PDE1C: variants seen among roughly 807,000 people sequenced by gnomAD.
PDE1C encodes phosphodiesterase 1C, also known as dual specificity calcium/calmodulin-dependent 3',5'-cyclic nucleotide phosphodiesterase 1C.
A neutral mutation model predicts 93.1 loss-of-function variants in PDE1C; 62 were observed. That is an observed-to-expected ratio of 0.67 (90% CI 0.54 to 0.82). The LOEUF (loss-of-function observed/expected upper bound fraction) is 0.82. Among genes scored for constraint, PDE1C ranks in the 40% least tolerant of loss-of-function variants. The pLI, the probability that PDE1C is intolerant of heterozygous loss-of-function variation, is 0.00. For synonymous variants in PDE1C, 325 were observed against 310.1 expected (o/e 1.05, Z -0.50); for missense variants, 742 against 884.6 (o/e 0.84, Z 2.04).
At chr7:31,694,261 C>T in the PDE1C span, among the ~76,000 whole-genome samples, 1 of 152,044 alleles carries the variant, frequency 6.6e-6, no homozygotes, top group African/African-American at 2.4e-5. Context: ...AAGCTTTCCC[C>T]TAAGTTTAGT....
rs117489929 is a variant in PDE1C at position 32,021,421 on chromosome 7, T to C, written c.128+30133A>G. Among the ~76,000 whole-genome samples, 862 of 152,244 alleles carry C rather than the reference T, an allele frequency of 5.7e-3. 2 individuals carry two copies. Among genetic ancestry groups the C allele is most frequent in the Middle Eastern group, 0.034 (10 of 294 alleles). ...GATGTTCCTAGCTTTGAGTATGTTC[T>C]TTCCACAATAACTTTCTGAGAAGAG... On this transcript the variant is annotated intron_variant, in intron 2 of 17. Transcript: ENST00000396191.
intron 3 of PDE1C, among the ~76,000 whole-genome samples, chr7:32,137,054 A>T (rs1800250434): frequency 6.6e-6 from 1 of 152,178 alleles, no homozygotes; most frequent in Non-Finnish European, 1.5e-5. Flanking sequence ...TCCATCATTC[A>T]TTCATCATTT....
chr7:32,251,037 G>T (rs1379286253), intron 1 of PDE1C, among the ~76,000 whole-genome samples: 1 of 152,234 alleles, frequency 6.6e-6, no homozygotes, highest in Non-Finnish European at 1.5e-5. Flanking sequence ...GAAAATGACG[G>T]ATTATCAACA....
Position 31,865,001 on chromosome 7 carries a change from T to C in PDE1C, c.691A>G (p.Met231Val), listed in dbSNP as rs1201761925. The change falls in exon 7 of 18, where the codon ATG becomes GTG. Residue 231 changes from methionine (M) to valine (V), a missense_variant. Met to Val is a conservative substitution (Grantham distance 21). Coordinates refer to ENST00000396191, the MANE Select transcript of PDE1C (RefSeq NM_001191057.4). ...SKHKNPYHNL[M>V]HAADVTQTVH... ...GTCTGTGTAACATCGGCAGCGTGCA[T>C]TAAGTTATGGTAAGGATTTTTGTGC... The C allele has an allele frequency of 6.2e-7, 1 of 1,614,008 alleles. No homozygotes were observed. The highest frequency in any genetic ancestry group is 8.5e-7 in the Non-Finnish European group (1 of 1,179,934).
the PDE1C span, among the ~76,000 whole-genome samples, chr7:31,671,845 A>T: frequency 6.6e-6 from 1 of 152,164 alleles, no homozygotes; most frequent in African/African-American, 2.4e-5. Context: ...GAACACCGGA[A>T]CCAGGGCACA....
intron 1 of PDE1C, among the ~76,000 whole-genome samples, chr7:32,310,467 C>A (rs946843008): frequency 6.6e-6 from 1 of 152,138 alleles, no homozygotes; most frequent in Non-Finnish European, 1.5e-5. Context: ...CAGCACTACA[C>A]CACATCTATT....
At chr7:31,928,478 C>T (rs781588475) in intron 2 of PDE1C, among the ~76,000 whole-genome samples, 8 of 142,952 alleles carry the variant, frequency 5.6e-5, no homozygotes, top group Non-Finnish European at 1.0e-4. Context: ...AGAAACATAA[C>T]CATCAGATTC....
the PDE1C span, among the ~76,000 whole-genome samples, chr7:31,641,285 T>C: frequency 6.6e-4 from 100 of 152,290 alleles, no homozygotes; most frequent in Middle Eastern, 3.4e-3. Context: ...TCAAGCATTG[T>C]ATCTATGGAC....
chr7:31,871,664 T>C (rs545540151), intron 6 of PDE1C, among the ~76,000 whole-genome samples: 1 of 151,274 alleles, frequency 6.6e-6, no homozygotes, highest in East Asian at 2.0e-4. Context: ...AGATATCATC[T>C]TACCCCAGTA....
At chr7:31,928,268 C>T (rs1279482248) in intron 2 of PDE1C, among the ~76,000 whole-genome samples, 1 of 151,948 alleles carries the variant, frequency 6.6e-6, no homozygotes, top group Non-Finnish European at 1.5e-5. Flanking sequence ...CAAATAAAGC[C>T]TCCAAGAAAT....
intron 1 of PDE1C, among the ~76,000 whole-genome samples, chr7:32,236,601 G>A (rs539160158): frequency 3.9e-5 from 6 of 152,220 alleles, no homozygotes; most frequent in Non-Finnish European, 5.9e-5. Context: ...ACCACCGTGC[G>A]ATACTACTCT....
chr7:31,975,061 C>T (rs1811475485), intron 2 of PDE1C, among the ~76,000 whole-genome samples: 1 of 152,158 alleles, frequency 6.6e-6, no homozygotes, highest in African/African-American at 2.4e-5. Flanking sequence ...GCCCTCTGAT[C>T]CACCACTCCA....
chr7:31,833,699 G>A (rs1180433820), intron 11 of PDE1C, among the ~76,000 whole-genome samples: 15 of 152,258 alleles, frequency 9.9e-5, no homozygotes, highest in East Asian at 9.7e-4. Context: ...GGTATCTGGC[G>A]GAAACAATTT....
chr7:32,160,900 T>G (rs1303175469), intron 3 of PDE1C, among the ~76,000 whole-genome samples: 1 of 152,154 alleles, frequency 6.6e-6, no homozygotes, highest in Non-Finnish European at 1.5e-5. Flanking sequence ...CCTGGCTAGC[T>G]GACTTCTGCA....
the PDE1C span, among the ~76,000 whole-genome samples, chr7:31,710,803 C>T: frequency 5.7e-4 from 87 of 152,310 alleles, no homozygotes; most frequent in African/African-American, 1.9e-3. Context: ...TGCCAGTTTT[C>T]CTGGACATGC....
intron 3 of PDE1C, among the ~76,000 whole-genome samples, chr7:32,100,449 T>A (rs1279238594): frequency 6.6e-6 from 1 of 152,186 alleles, no homozygotes; most frequent in Non-Finnish European, 1.5e-5. Flanking sequence ...CCAATCTCTA[T>A]TAAATTAAGG....
At chr7:32,237,742 G>GTCTA in intron 1 of PDE1C, among the ~76,000 whole-genome samples, 2 of 31,232 alleles carry the variant, frequency 6.4e-5, no homozygotes, top group East Asian at 2.2e-3. Flanking sequence ...TTGGCTCTGT[G>GTCTA]TATATATATA....
intron 1 of PDE1C, among the ~76,000 whole-genome samples, chr7:32,263,676 C>A (rs1810379833): frequency 6.6e-6 from 1 of 152,114 alleles, no homozygotes; most frequent in Non-Finnish European, 1.5e-5. Context: ...GCCTCTTTAG[C>A]CCTATGTAAT....
chr7:31,684,842 G>A, the PDE1C span, among the ~76,000 whole-genome samples: 2,275 of 152,198 alleles, frequency 0.015, 57 homozygotes, highest in African/African-American at 0.051. Flanking sequence ...TGCTACAGCC[G>A]CTTTGGTGTT....
Sources: gnomAD v4.1 joint callset for allele counts (sites outside exome capture counted in the v4.1 genomes callset) on GRCh38, gnomAD v4.1.1 for gene constraint, MANE v1.5 for transcripts, NCBI Gene and HGNC (gene_info 2026-07-23, HGNC 2026-07-21) for gene names.